Variants in SPINK8 observed in about 807,000 individuals in gnomAD.
The protein encoded by SPINK8 is serine peptidase inhibitor Kazal type 8 (putative), also known as serine protease inhibitor Kazal-type 8.
A neutral mutation model predicts 14.4 loss-of-function variants in SPINK8; 12 were observed. That is an observed-to-expected ratio of 0.83 (90% CI 0.53 to 1.35). The LOEUF is 1.35. Among genes scored for constraint, SPINK8 ranks in the 40% most tolerant of loss-of-function variants. The probability of loss-of-function intolerance (pLI) is 0.00; values close to 1 mark genes in which losing one functional copy is unlikely to be tolerated. For synonymous variants in SPINK8, 32 were observed against 37.6 expected, an observed-to-expected ratio of 0.85 and a Z score of 0.55; for missense variants, 103 against 117.0, an observed-to-expected ratio of 0.88 and a Z score of 0.55.
intron 2 of SPINK8, among the ~76,000 whole-genome samples, chr3:48,331,931 G>T (rs2036269136): frequency 6.6e-6 from 1 of 152,220 alleles, no homozygotes; most frequent in African/African-American, 2.4e-5. Flanking sequence ...GCCAGGGGCT[G>T]GCGCTTGCCC....
intron 4 of SPINK8, among the ~76,000 whole-genome samples, chr3:48,325,451 G>A (rs970500693): frequency 4.7e-5 from 7 of 149,288 alleles, no homozygotes; most frequent in South Asian, 2.1e-4. Flanking sequence ...TTGAGACAGC[G>A]GCTCACTCTG....
At chr3:48,312,452 G>T (rs1560014575) in intron 6 of SPINK8, among the ~76,000 whole-genome samples, 1 of 151,988 alleles carries the variant, frequency 6.6e-6, no homozygotes, top group Non-Finnish European at 1.5e-5. Flanking sequence ...AGACCAGCCT[G>T]GCCAACATGG....
chr3:48,307,082 A>G (rs1575338710), intron 7 of SPINK8, 79 bp from the exon 8 acceptor site: 4 of 1,342,738 alleles, frequency 3.0e-6, no homozygotes, highest in Non-Finnish European at 1.1e-6. Context: ...AAACACAACC[A>G]TAGTTCAGCA....
intron 4 of SPINK8, among the ~76,000 whole-genome samples, chr3:48,327,832 A>C (rs777359597): frequency 1.3e-5 from 2 of 152,196 alleles, no homozygotes; most frequent in Non-Finnish European, 2.9e-5. Context: ...GAGTTGCAGA[A>C]ATCGAATAGA....
chr3:48,313,902 T>C (rs150361290), intron 6 of SPINK8, among the ~76,000 whole-genome samples: 138 of 152,280 alleles, frequency 9.1e-4, no homozygotes, highest in African/African-American at 3.2e-3. Flanking sequence ...ATATACAGAA[T>C]AGTAAATCTG....
intron 1 of SPINK8, among the ~76,000 whole-genome samples, 188 bp from the exon 2 acceptor site, chr3:48,332,659 A>G (rs374652911): frequency 1.3e-5 from 2 of 152,166 alleles, no homozygotes; most frequent in East Asian, 3.8e-4. Flanking sequence ...CTCTGTTGTC[A>G]TCCTATCATT....
At chr3:48,310,750 C>T (rs899964617) in intron 6 of SPINK8, among the ~76,000 whole-genome samples, 2 of 152,134 alleles carry the variant, frequency 1.3e-5, no homozygotes, top group Non-Finnish European at 1.5e-5. Context: ...CCACCCGCTT[C>T]GGCCTCCCAA....
chr3:48,327,465 T>C (rs1560019458), intron 4 of SPINK8, among the ~76,000 whole-genome samples: 1 of 152,166 alleles, frequency 6.6e-6, no homozygotes, highest in Non-Finnish European at 1.5e-5. Flanking sequence ...TGGTCCACTT[T>C]GGTTGAGTTA....
chr3:48,308,771 C>T (rs2035883682), intron 7 of SPINK8, among the ~76,000 whole-genome samples: 2 of 152,126 alleles, frequency 1.3e-5, no homozygotes, highest in Admixed American at 1.3e-4. Context: ...CTTTGAACAC[C>T]ATTCTATAGA....
chr3:48,321,267 TA>T (rs1330277292), intron 4 of SPINK8, among the ~76,000 whole-genome samples, 193 bp from the exon 5 acceptor site: 1 of 152,198 alleles, frequency 6.6e-6, no homozygotes, highest in African/African-American at 2.4e-5. Flanking sequence ...TACCTTCTTG[TA>T]AAATGGAGTT....
At chr3:48,318,739 TGGA>T (rs2036028274) in intron 6 of SPINK8, among the ~76,000 whole-genome samples, 1 of 152,236 alleles carries the variant, frequency 6.6e-6, no homozygotes, top group Non-Finnish European at 1.5e-5. Flanking sequence ...ATTCCTTCTC[TGGA>T]GGAGAAGCTA....
intron 7 of SPINK8, among the ~76,000 whole-genome samples, chr3:48,307,258 G>T (rs1004399525): frequency 6.6e-6 from 1 of 152,168 alleles, no homozygotes; most frequent in Non-Finnish European, 1.5e-5. Context: ...CTCCTGAGGG[G>T]ATAGAGGCAG....
Position 48,328,263 on chromosome 3 carries a change from C to T in SPINK8, c.67+12G>A, listed in dbSNP as rs1244061923. The T allele has an allele frequency of 8.1e-6, 13 of 1,606,564 alleles. No individual in the cohort carries two copies. The highest frequency in any genetic ancestry group is 1.1e-5 in the Non-Finnish European group (13 of 1,176,004). On this transcript the variant is annotated intron_variant, in intron 4 of 7. Coordinates refer to ENST00000434006, the MANE Select transcript of SPINK8 (RefSeq NM_001080525.3). ...GCAGAAAATGTGGGCAGAGCAAGGA[C>T]ACATAACTCACCAATTGCAAAGGCC...
At chr3:48,328,147 T>G (rs1200022657) in intron 4 of SPINK8, 128 bp downstream of exon 4, 1 of 715,394 alleles carries the variant, frequency 1.4e-6, no homozygotes, top group African/African-American at 1.8e-5. Context: ...GGTTTTAATT[T>G]CTACATTTGT....
chr3:48,325,420 C>T lies in SPINK8; in HGVS notation c.67+2855G>A, dbSNP rs1385624920. Among the ~76,000 whole-genome samples, 4 of 148,200 alleles carry T rather than the reference C, an allele frequency of 2.7e-5. No homozygotes were observed. The East Asian group carries it at 5.9e-4, about 22-fold the overall frequency. On this transcript the variant is annotated intron_variant, in intron 4 of 7. Transcript: ENST00000434006. ...GTAAGTAAGTATTTTTTTAATGTAA[C>T]GTTGTAATTTTTTTTTTTTTTTGAG...
chr3:48,330,019 A>C (rs1353891579), intron 2 of SPINK8, among the ~76,000 whole-genome samples: 1 of 152,240 alleles, frequency 6.6e-6, no homozygotes, highest in Non-Finnish European at 1.5e-5. Flanking sequence ...ATTGGTTATC[A>C]TAAATTCCTC....
intron 4 of SPINK8, among the ~76,000 whole-genome samples, chr3:48,323,931 CT>C (rs34730457): frequency 0.016 from 2,157 of 139,052 alleles, 31 homozygotes; most frequent in East Asian, 0.037. Context: ...AGTACTTCAA[CT>C]TTTTTTTTTT....
intron 6 of SPINK8, among the ~76,000 whole-genome samples, chr3:48,315,062 G>A (rs1424865267): frequency 6.6e-6 from 1 of 152,186 alleles, no homozygotes; most frequent in Non-Finnish European, 1.5e-5. Context: ...ATTGGTTCCA[G>A]CCATTTAAGG....
Position 48,306,993 on chromosome 3 carries a change from C to CA in SPINK8, c.292dup (p.Ter98LeufsTer33). The CA allele has an allele frequency of 6.2e-7, 1 of 1,613,102 alleles. No homozygotes were observed. On this transcript the variant is annotated frameshift_variant and stop_lost, in exon 8 of 8. Transcript: ENST00000434006. LOFTEE classifies it high-confidence loss of function. ...GTTTTATAATTCTTTGTCGTACGTTCAAGAGTTTTCCTGCAAGAGAAGTAT... is the reference window on the plus strand; with the variant it reads ...GTTTTATAATTCTTTGTCGTACGTTCAAAGAGTTTTCCTGCAAGAGAAGTAT...
Sources: allele counts gnomAD v4.1 joint callset (sites outside exome capture counted in the v4.1 genomes callset), GRCh38; gene constraint gnomAD v4.1.1; transcripts MANE v1.5; gene names NCBI Gene and HGNC (gene_info 2026-07-23, HGNC 2026-07-21).